The following FBXO31 variants were observed in gnomAD, a reference collection of about 807,000 sequenced individuals.
FBXO31 encodes F-box protein 31.
In FBXO31, 24 loss-of-function variants were observed where a neutral mutation model predicts 54.4. That is an observed-to-expected ratio of 0.44 (90% confidence interval 0.32 to 0.62). FBXO31 has a LOEUF of 0.62. Among genes scored for constraint, FBXO31 ranks in the 20% least tolerant of loss-of-function variants. The probability of loss-of-function intolerance (pLI) is 0.05; values close to 1 mark genes in which losing one functional copy is unlikely to be tolerated. For missense variants in FBXO31, 665 were observed against 787.1 expected (o/e 0.84, Z 1.86); for synonymous variants, 388 against 335.6 (o/e 1.16, Z -1.71).
rs1321901065 is a variant in FBXO31 at position 87,343,754 on chromosome 16, C to G, written c.501G>C (p.Leu167=). ...GGLLNVVVDG[L]FIIGWMYLPP... The stretch of plus-strand genomic sequence containing the variant: ...GCAGGTACATCCACCCGATGATGAA[C>G]AGGCCGTCCACCTACAGGAGGAGAT... Residue 167 remains leucine, a synonymous_variant, in exon 4 of 9, where the codon CTG becomes CTC. Transcript: ENST00000311635. The G allele has an allele frequency of 1.2e-6, 2 of 1,614,076 alleles. No homozygotes were observed. The highest frequency in any genetic ancestry group is 1.7e-6 in the Non-Finnish European group (2 of 1,180,030).
chr16:87,377,344 G>A (rs141055621), intron 1 of FBXO31, among the ~76,000 whole-genome samples: 2,205 of 152,266 alleles, frequency 0.014, 33 homozygotes, highest in South Asian at 0.025. Context: ...TACTCAGGAG[G>A]CTGAGGTGGG....
chr16:87,382,004 GAC>G (rs1348084259), intron 1 of FBXO31, among the ~76,000 whole-genome samples: 3 of 151,498 alleles, frequency 2.0e-5, no homozygotes, highest in African/African-American at 7.3e-5. Context: ...CAGCCTGGGT[GAC>G]AGAGTGAGAC....
chr16:87,373,567 T>C (rs981920601), intron 1 of FBXO31, among the ~76,000 whole-genome samples: 1 of 151,600 alleles, frequency 6.6e-6, no homozygotes, highest in Non-Finnish European at 1.5e-5. Flanking sequence ...TCTCACTTTG[T>C]CATCCAGGCT....
upstream of FBXO31, chr16:87,390,049 G>A (rs1026517252): frequency 2.6e-5 from 4 of 152,298 alleles, no homozygotes; most frequent in Non-Finnish European, 2.9e-5. Context: ...GGGAGGCCAA[G>A]GCGTGTGGAT....
intron 2 of FBXO31, among the ~76,000 whole-genome samples, chr16:87,355,821 G>T (rs1905867190): frequency 1.3e-5 from 2 of 152,164 alleles, no homozygotes; most frequent in Admixed American, 1.3e-4. Flanking sequence ...GGGGACAAAA[G>T]GAATGTCCCC....
At chr16:87,382,843 C>T (rs926417607) in intron 1 of FBXO31, among the ~76,000 whole-genome samples, 3 of 152,158 alleles carry the variant, frequency 2.0e-5, no homozygotes, top group African/African-American at 7.2e-5. Flanking sequence ...ACCATCTTCA[C>T]CAGGCTGGTC....
Position 87,383,374 on chromosome 16 carries a change from C to CCCA in FBXO31, c.340+30_340+31insTGG. The CCCA allele has an allele frequency of 6.7e-7, 1 of 1,483,158 alleles. No homozygotes were observed. Among genetic ancestry groups the CCCA allele is most frequent in the Non-Finnish European group, 9.1e-7 (1 of 1,102,126 alleles). The allele number at this position is 1,483,158 out of a possible 1,614,324, so 91.9% of individuals were successfully genotyped here. ...CTCCACCTGGCAGGGACCCCCCGCC[C>CCCA]CTCCCGGCCCCGCCACCCCCGCGCG... On this transcript the variant is annotated intron_variant, in intron 1 of 8. Coordinates refer to ENST00000311635, the MANE Select transcript of FBXO31 (RefSeq NM_024735.5). This position sits in a 1 kb window ranked among gnomAD's most constrained non-coding sequence, Gnocchi z 4.9.
At chr16:87,333,229 G>A (rs1904924931) in intron 8 of FBXO31, among the ~76,000 whole-genome samples, 1 of 150,348 alleles carries the variant, frequency 6.7e-6, no homozygotes, top group South Asian at 2.1e-4. Flanking sequence ...TGCAAGCCTC[G>A]TCCCATGTCA....
At chr16:87,334,650 C>G (rs376374413) in intron 7 of FBXO31, among the ~76,000 whole-genome samples, 5 of 152,250 alleles carry the variant, frequency 3.3e-5, no homozygotes, top group African/African-American at 9.6e-5. Context: ...CGTGAGGAGT[C>G]CAGGAGCCAA....
At chr16:87,357,066 T>C (rs1905922369) in intron 2 of FBXO31, among the ~76,000 whole-genome samples, 1 of 151,980 alleles carries the variant, frequency 6.6e-6, no homozygotes, top group African/African-American at 2.4e-5. Context: ...GGCAACATAG[T>C]GAGACCCGTC....
chr16:87,372,275 G>C (rs527661347), intron 1 of FBXO31, among the ~76,000 whole-genome samples: 1 of 152,302 alleles, frequency 6.6e-6, no homozygotes, highest in South Asian at 2.1e-4. Context: ...GCTTTGCTAA[G>C]TGAAATGACT....
chr16:87,346,442 G>A lies in FBXO31; in HGVS notation c.489+732C>T, dbSNP rs374699583. Among the ~76,000 whole-genome samples, 32 of 152,286 alleles carry A rather than the reference G, an allele frequency of 2.1e-4. No homozygotes were observed. The East Asian group carries it at 2.1e-3, about 10-fold the overall frequency. On this transcript the variant is annotated intron_variant, in intron 3 of 8. Transcript: ENST00000311635. This position sits in a 1 kb window ranked among gnomAD's most constrained non-coding sequence, Gnocchi z 4.2. ...GAGAAGGAAAACTTCACCGAAAAACGGGAATTTAATAAAAAAGAAAGCCAG... is the reference window on the plus strand; with the variant it reads ...GAGAAGGAAAACTTCACCGAAAAACAGGAATTTAATAAAAAAGAAAGCCAG...
chr16:87,365,688 CAA>C (rs1191157832), intron 1 of FBXO31, among the ~76,000 whole-genome samples: 1 of 152,194 alleles, frequency 6.6e-6, no homozygotes, highest in Non-Finnish European at 1.5e-5. Flanking sequence ...AAGTTCTGAG[CAA>C]AATACACTTT....
chr16:87,350,024 G>A (rs1463356331), intron 2 of FBXO31, among the ~76,000 whole-genome samples: 1 of 152,158 alleles, frequency 6.6e-6, no homozygotes, highest in Non-Finnish European at 1.5e-5. Context: ...GAGACCACAT[G>A]CACAGTCCAC....
At chr16:87,367,199 G>A (rs1393705340) in intron 1 of FBXO31, 2 of 152,118 alleles carry the variant, frequency 1.3e-5, no homozygotes, top group Non-Finnish European at 2.9e-5. Context: ...CAAACAAACA[G>A]AAAGAAATAT....
intron 1 of FBXO31, among the ~76,000 whole-genome samples, chr16:87,389,363 A>G (rs956973016): frequency 6.6e-6 from 1 of 152,214 alleles, no homozygotes; most frequent in Non-Finnish European, 1.5e-5. Flanking sequence ...AAAAACACGC[A>G]GAGTAACCCT....
chr16:87,389,617 C>T (rs2150705594), intron 1 of FBXO31: 1 of 152,326 alleles, frequency 6.6e-6, no homozygotes, highest in South Asian at 2.1e-4. Context: ...AACGCACTCA[C>T]CAGTCAATAC....
chr16:87,385,778 G>C (rs1307610104), upstream of FBXO31, among the ~76,000 whole-genome samples: 1 of 152,160 alleles, frequency 6.6e-6, no homozygotes, highest in African/African-American at 2.4e-5. Flanking sequence ...GGAGGCCAAG[G>C]CGGGCAGATC....
rs151291617 is a variant in FBXO31 at position 87,351,194 on chromosome 16, G to A, written c.413-3944C>T. Among the ~76,000 whole-genome samples, 28 of 152,274 alleles carry A rather than the reference G, an allele frequency of 1.8e-4. No individual in the cohort carries two copies. The East Asian group carries it at 4.8e-3, about 26-fold the overall frequency. ...AGAGTCCTTACGAAGCATGGCTATCGCACAAGCAAACGGATTCATTCAAGA... is the reference window on the plus strand; with the variant it reads ...AGAGTCCTTACGAAGCATGGCTATCACACAAGCAAACGGATTCATTCAAGA... On this transcript the variant is annotated intron_variant, in intron 2 of 8. Transcript: ENST00000311635.
Sources: gnomAD v4.1 joint callset for allele counts (sites outside exome capture counted in the v4.1 genomes callset) on GRCh38, gnomAD v4.1.1 for gene constraint, Gnocchi (gnomAD v3.1) non-coding constraint, MANE v1.5 for transcripts, NCBI Gene and HGNC (gene_info 2026-07-23, HGNC 2026-07-21) for gene names.